Variants in ZWILCH observed in about 807,000 individuals in gnomAD.
The protein encoded by ZWILCH is zwilch kinetochore protein, also known as protein zwilch homolog.
In ZWILCH, 74 loss-of-function variants were observed where a neutral mutation model predicts 79.9. The ratio of observed to expected loss-of-function variants is 0.93; its 90% CI spans 0.77 to 1.12. The LOEUF (loss-of-function observed/expected upper bound fraction) is 1.12. ZWILCH is among the 50% of genes most tolerant of loss of function. ZWILCH has a pLI of 0.00. For missense variants in ZWILCH, 694 were observed against 687.5 expected, an observed-to-expected ratio of 1.01 and a Z score of -0.11; for synonymous variants, 241 against 228.2, an observed-to-expected ratio of 1.06 and a Z score of -0.51.
intron 8 of ZWILCH, among the ~76,000 whole-genome samples, chr15:66,525,320 G>A (rs1049421043): frequency 6.6e-6 from 1 of 152,164 alleles, no homozygotes; most frequent in African/African-American, 2.4e-5. Context: ...GCTGGCACAA[G>A]TTCATTTAAA....
intron 2 of ZWILCH, among the ~76,000 whole-genome samples, chr15:66,509,262 T>TCACCAC (rs1893939698): frequency 6.6e-6 from 1 of 152,180 alleles, no homozygotes; most frequent in Non-Finnish European, 1.5e-5. Flanking sequence ...AATTATTTAG[T>TCACCAC]CACCACCTAT....
At chr15:66,509,830 T>TATAC (rs1293610902) in intron 2 of ZWILCH, among the ~76,000 whole-genome samples, 12 of 13,558 alleles carry the variant, frequency 8.9e-4, no homozygotes, top group African/African-American at 2.3e-3. Flanking sequence ...TACATATATA[T>TATAC]ATATATATAT....
At chr15:66,510,918 A>G (rs867709694) in intron 2 of ZWILCH, among the ~76,000 whole-genome samples, 2 of 152,308 alleles carry the variant, frequency 1.3e-5, no homozygotes, top group Middle Eastern at 3.4e-3. Flanking sequence ...CCCTAATCCA[A>G]ATTAATCCTC....
intron 13 of ZWILCH, 22 bp from the exon 14 acceptor site, chr15:66,532,963 T>C (rs759194862): frequency 1.3e-6 from 2 of 1,537,744 alleles, no homozygotes; most frequent in African/African-American, 1.4e-5. Flanking sequence ...TGTTTTTGCA[T>C]GTATGTGTTT....
chr15:66,544,724 T>TTTTTTTTTTGTGTGTGTGTGTGTG lies in ZWILCH; in HGVS notation c.1688-1866_1688-1865insTTTTTTTTGTGTGTGTGTGTGTGT, dbSNP rs145952622. 7.8e-5 allele frequency among the ~76,000 whole-genome samples: 10 copies of TTTTTTTTTTGTGTGTGTGTGTGTG among 128,540 alleles called. No homozygotes were observed. In the East Asian group the frequency reaches 2.0e-3, roughly 25 times the overall value. 84.3% of individuals were successfully genotyped at this position (128,540 alleles called of 152,430 possible). ...TGTTTTTTTGTTGTTTTTTTGGTTT[T>TTTTTTTTTTGTGTGTGTGTGTGTG]TGTGTGTGTGTGTGTGTGTGTGTGT... On this transcript the variant is annotated intron_variant, in intron 17 of 18. Transcript: ENST00000307897.
At chr15:66,539,718 A>C (rs1358171698) in intron 16 of ZWILCH, among the ~76,000 whole-genome samples, 1 of 152,142 alleles carries the variant, frequency 6.6e-6, no homozygotes, top group Non-Finnish European at 1.5e-5. Context: ...CCCTCGGTGC[A>C]TACTCAACAT....
intron 4 of ZWILCH, among the ~76,000 whole-genome samples, chr15:66,517,204 G>T (rs1486553124): frequency 6.6e-6 from 1 of 151,522 alleles, no homozygotes; most frequent in South Asian, 2.1e-4. Context: ...TTCACCAATT[G>T]CTTAGATTTT....
chr15:66,515,377 A>G, intron 3 of ZWILCH, 149 bp from the exon 4 acceptor site: 1 of 582,556 alleles, frequency 1.7e-6, no homozygotes. Flanking sequence ...GTTTGTGGCT[A>G]TTCTTGCCAA....
chr15:66,550,015 G>A lies in ZWILCH; in HGVS notation c.*1691G>A. 2 of 1,504,284 alleles carry A rather than the reference G, an allele frequency of 1.3e-6. No individual in the cohort carries two copies. Among genetic ancestry groups the A allele is most frequent in the Non-Finnish European group, 1.8e-6 (2 of 1,112,826 alleles). The allele number at this position is 1,504,284 out of a possible 1,614,324, so 93.2% of individuals were successfully genotyped here. On this transcript the variant is annotated 3_prime_UTR_variant, in exon 19 of 19. Transcript: ENST00000307897. Reference sequence around the variant, plus strand: ...TAATTATTTAGTTTAATTATTAAAGGAAAACATTGAAATATACTGACTCAC... The same window carrying A: ...TAATTATTTAGTTTAATTATTAAAGAAAAACATTGAAATATACTGACTCAC...
At chr15:66,522,367 T>A (rs1894529410) in intron 7 of ZWILCH, among the ~76,000 whole-genome samples, 1 of 148,672 alleles carries the variant, frequency 6.7e-6, no homozygotes, top group Admixed American at 6.7e-5. Flanking sequence ...GGAGCCTCGC[T>A]CTGTCTGCCA....
At chr15:66,533,194 T>A (rs2140791607) in intron 14 of ZWILCH, among the ~76,000 whole-genome samples, 181 bp downstream of exon 14, 1 of 152,312 alleles carries the variant, frequency 6.6e-6, no homozygotes, top group South Asian at 2.1e-4. Context: ...GCCCATTCAA[T>A]GTCATTTCTC....
intron 10 of ZWILCH, 78 bp from the exon 11 acceptor site, chr15:66,528,774 C>A: frequency 8.3e-7 from 1 of 1,204,614 alleles, no homozygotes; most frequent in South Asian, 1.3e-5. Context: ...CATAATTTCT[C>A]AGAGCAGCAT....
intron 4 of ZWILCH, among the ~76,000 whole-genome samples, chr15:66,515,911 C>A (rs1334080541): frequency 6.6e-6 from 1 of 152,200 alleles, no homozygotes; most frequent in Non-Finnish European, 1.5e-5. Flanking sequence ...TATGTGTAAT[C>A]TGGTTCCCCT....
chr15:66,536,012 TAGTC>T lies in ZWILCH; in HGVS notation c.1425_1428del (p.Ser476AlafsTer15), dbSNP rs746461426. 67 of 1,613,060 alleles carry T rather than the reference TAGTC, an allele frequency of 4.2e-5. No homozygotes were observed. The highest frequency in any genetic ancestry group is 1.7e-4 in the Middle Eastern group (1 of 6,058). On this transcript the variant is annotated frameshift_variant, in exon 15 of 19. Coordinates refer to ENST00000307897, the MANE Select transcript of ZWILCH (RefSeq NM_017975.5). LOFTEE classifies it high-confidence loss of function. The stretch of plus-strand genomic sequence containing the variant: ...AAACTCCACCATATTCTAGAAATAT[TAGTC>T]AGTTGCATGCCTTTCATTAAATCTC...
In ZWILCH at chr15:66,546,069, G is replaced by T. The variant is rs565067387; in HGVS notation, c.1688-522G>T. ...CAGTGGAGTGCTGCTCACCCAGTGG[G>T]TGCTCAGTAAATGATTGTTGATAAT... On this transcript the variant is annotated intron_variant, in intron 17 of 18. Coordinates refer to ENST00000307897, the MANE Select transcript of ZWILCH (RefSeq NM_017975.5). Among the ~76,000 whole-genome samples the T allele has an allele frequency of 2.0e-5, 3 of 152,162 alleles. No individual in the cohort carries two copies. The South Asian group carries it at 6.2e-4, about 32-fold the overall frequency.
At chr15:66,547,185 ATTTT>A (rs1895402565) in intron 18 of ZWILCH, 1 of 121,632 alleles carries the variant, frequency 8.2e-6, no homozygotes, top group Non-Finnish European at 1.7e-5. Flanking sequence ...ATGGAATGAC[ATTTT>A]CTTTTTTTTT....
At chr15:66,514,677 C>T (rs1468299378) in intron 3 of ZWILCH, among the ~76,000 whole-genome samples, 2 of 152,130 alleles carry the variant, frequency 1.3e-5, no homozygotes, top group East Asian at 3.9e-4. Flanking sequence ...GTCACCACCA[C>T]AATCAGGATA....
intron 4 of ZWILCH, among the ~76,000 whole-genome samples, chr15:66,517,455 T>TATATATATATATATATATAGAGAG (rs1180456312): frequency 7.8e-5 from 9 of 115,200 alleles, no homozygotes; most frequent in African/African-American, 1.2e-4. Flanking sequence ...TATATATATA[T>TATATATATATATATATATAGAGAG]AGTAATGTAC....
At chr15:66,522,249 G>A (rs1369408278) in intron 7 of ZWILCH, among the ~76,000 whole-genome samples, 1 of 151,642 alleles carries the variant, frequency 6.6e-6, no homozygotes, top group Admixed American at 6.6e-5. Context: ...AAGATATTCA[G>A]TGCAGCGATA....
Sources: allele counts gnomAD v4.1 joint callset (sites outside exome capture counted in the v4.1 genomes callset), GRCh38; gene constraint gnomAD v4.1.1; transcripts MANE v1.5; gene names NCBI Gene and HGNC (gene_info 2026-07-23, HGNC 2026-07-21).